SIK3: variants seen among roughly 807,000 people sequenced by gnomAD.
The protein encoded by SIK3 is SIK family kinase 3.
SIK3 carries 28 observed loss-of-function variants against 144.2 expected under a neutral mutation model. The ratio of observed to expected loss-of-function variants is 0.19; its 90% CI spans 0.14 to 0.27. The LOEUF is 0.27. Ranked by LOEUF, SIK3 falls within the 10% of genes least tolerant of loss-of-function variation. The pLI, the probability that SIK3 is intolerant of heterozygous loss-of-function variation, is 1.00. For synonymous variants in SIK3, 686 were observed against 676.3 expected (o/e 1.01, Z -0.22); for missense variants, 1,319 against 1,776.0 (o/e 0.74, Z 4.62).
intron 1 of SIK3, among the ~76,000 whole-genome samples, chr11:117,078,792 C>A (rs996768705): frequency 6.6e-6 from 1 of 152,118 alleles, no homozygotes; most frequent in African/African-American, 2.4e-5. Context: ...TAAGTAATGT[C>A]TTTTCCACTA....
chr11:116,973,121 G>A (rs1355178294), intron 1 of SIK3, among the ~76,000 whole-genome samples: 1 of 152,146 alleles, frequency 6.6e-6, no homozygotes, highest in East Asian at 1.9e-4. Flanking sequence ...ATTTAATACT[G>A]TACAGCCTTC....
At chr11:117,074,941 AAAC>A (rs1954444479) in intron 1 of SIK3, among the ~76,000 whole-genome samples, 2 of 152,058 alleles carry the variant, frequency 1.3e-5, no homozygotes, top group African/African-American at 4.8e-5. Context: ...CAAAAAAAAA[AAAC>A]AACTCAAATG....
intron 1 of SIK3, among the ~76,000 whole-genome samples, chr11:117,002,733 T>C (rs1007531376): frequency 2.0e-5 from 3 of 152,238 alleles, no homozygotes; most frequent in African/African-American, 4.8e-5. Context: ...AAAATGCTTG[T>C]CACTAGCAGT....
intron 1 of SIK3, among the ~76,000 whole-genome samples, chr11:117,055,369 T>A (rs1047024227): frequency 2.0e-5 from 3 of 152,242 alleles, no homozygotes; most frequent in African/African-American, 7.2e-5. Flanking sequence ...ATTCATTTAC[T>A]CCACACAATC....
At chr11:117,022,080 T>C (rs979754142) in intron 1 of SIK3, among the ~76,000 whole-genome samples, 1 of 152,068 alleles carries the variant, frequency 6.6e-6, no homozygotes. Flanking sequence ...AAATATTAGT[T>C]TTAAGTAAAT....
intron 1 of SIK3, among the ~76,000 whole-genome samples, chr11:116,982,036 T>C (rs1485725895): frequency 6.6e-6 from 1 of 152,176 alleles, no homozygotes; most frequent in Non-Finnish European, 1.5e-5. Flanking sequence ...GGAGGCTTCT[T>C]TCCCCTCTCC....
intron 4 of SIK3, among the ~76,000 whole-genome samples, chr11:116,923,063 C>T (rs943324643): frequency 6.6e-6 from 1 of 151,784 alleles, no homozygotes; most frequent in African/African-American, 2.4e-5. Flanking sequence ...ATTACAGGCA[C>T]CCGCCATCAT....
chr11:116,985,691 C>G (rs1950303916), intron 1 of SIK3, among the ~76,000 whole-genome samples: 1 of 152,088 alleles, frequency 6.6e-6, no homozygotes, highest in Non-Finnish European at 1.5e-5. Flanking sequence ...CTGGGTTTTT[C>G]TTTTTCTAAA....
At chr11:116,966,373 C>A (rs78044162) in intron 1 of SIK3, among the ~76,000 whole-genome samples, 1 of 151,558 alleles carries the variant, frequency 6.6e-6, no homozygotes, top group Non-Finnish European at 1.5e-5. Context: ...CCAGCCTGGG[C>A]GAGAGGGAGA....
chr11:116,847,161 A>G (rs1253618055), intron 23 of SIK3, among the ~76,000 whole-genome samples: 3 of 152,236 alleles, frequency 2.0e-5, no homozygotes, highest in Non-Finnish European at 2.9e-5. Context: ...ACTGGCTCCA[A>G]GAAGAGGTAG....
At chr11:116,999,292 A>G (rs1241189070) in intron 1 of SIK3, among the ~76,000 whole-genome samples, 2 of 152,232 alleles carry the variant, frequency 1.3e-5, no homozygotes, top group African/African-American at 4.8e-5. Context: ...CTAACAGAAC[A>G]GACATTTTGT....
intron 1 of SIK3, among the ~76,000 whole-genome samples, chr11:117,045,735 A>G (rs1952933620): frequency 6.6e-6 from 1 of 152,204 alleles, no homozygotes; most frequent in Admixed American, 6.5e-5. Flanking sequence ...CACTTAGATA[A>G]ATAATTAGTA....
chr11:117,081,146 CTTT>C (rs1954766504), intron 1 of SIK3, among the ~76,000 whole-genome samples: 1 of 151,570 alleles, frequency 6.6e-6, no homozygotes, highest in Admixed American at 6.6e-5. Flanking sequence ...GGTATGTTCC[CTTT>C]TTTAATTAAA....
intron 1 of SIK3, among the ~76,000 whole-genome samples, chr11:117,042,204 C>T (rs534450418): frequency 1.3e-3 from 197 of 152,318 alleles, no homozygotes; most frequent in Non-Finnish European, 2.5e-3. Flanking sequence ...TCTGCCAAAG[C>T]ACTCTTTCTC....
intron 1 of SIK3, among the ~76,000 whole-genome samples, chr11:116,968,826 T>C (rs1210151423): frequency 1.3e-5 from 2 of 152,172 alleles, no homozygotes; most frequent in Non-Finnish European, 2.9e-5. Flanking sequence ...ACATTGTGGG[T>C]TTTTAAAAAT....
At chr11:117,018,387 T>C (rs1244057011) in intron 1 of SIK3, among the ~76,000 whole-genome samples, 3 of 152,142 alleles carry the variant, frequency 2.0e-5, no homozygotes, top group Non-Finnish European at 4.4e-5. Flanking sequence ...TGTGCAGGGG[T>C]CAGCTCTACA....
At chr11:116,848,024 G>A (rs1009374918) in intron 22 of SIK3, among the ~76,000 whole-genome samples, 3 of 152,150 alleles carry the variant, frequency 2.0e-5, no homozygotes, top group Non-Finnish European at 4.4e-5. Flanking sequence ...AGCACTTAAA[G>A]TGTGACTGGG....
At chr11:116,876,041 C>A (rs759585976) in intron 8 of SIK3, 32 bp from the exon 9 acceptor site, 4 of 1,611,288 alleles carry the variant, frequency 2.5e-6, no homozygotes, top group Non-Finnish European at 3.4e-6. Context: ...GAGTACAAAA[C>A]CCTGGTGAAA....
At chr11:116,920,038 GATTA>G (rs1434951981) in intron 4 of SIK3, among the ~76,000 whole-genome samples, 1 of 151,730 alleles carries the variant, frequency 6.6e-6, no homozygotes, top group Non-Finnish European at 1.5e-5. Context: ...TACTGAATTG[GATTA>G]ATTAAGCCTT....
Sources: gnomAD v4.1 joint callset for allele counts (sites outside exome capture counted in the v4.1 genomes callset) on GRCh38, gnomAD v4.1.1 for gene constraint, MANE v1.5 for transcripts, NCBI Gene and HGNC (gene_info 2026-07-23, HGNC 2026-07-21) for gene names.